KLF8: variants seen among roughly 807,000 people sequenced by gnomAD.
The protein encoded by KLF8 is Krueppel-like factor 8.
In KLF8, 10 loss-of-function variants were observed where a neutral mutation model predicts 18.2. The ratio of observed to expected loss-of-function variants is 0.55; its 90% CI spans 0.34 to 0.93. The LOEUF is 0.93. KLF8 is among the 40% of genes least tolerant of loss of function. KLF8 has a pLI of 0.02. For missense variants in KLF8, 264 were observed against 277.9 expected (o/e 0.95, Z 0.36); for synonymous variants, 109 against 97.3 (o/e 1.12, Z -0.71).
At chrX:56,175,435 A>G in the KLF8 span, among the ~76,000 whole-genome samples, 1 of 111,725 alleles carries the variant, frequency 9.0e-6, no homozygotes, top group Non-Finnish European at 1.9e-5. Flanking sequence ...TCTGAGTTCT[A>G]GTTTGATTGC....
rs746373790 is a variant in KLF8 at position 56,289,672 on chromosome X, C to A, written c.*5178C>A. Reference sequence around the variant, plus strand: ...CACTAATACTGAGAAACCTGGCTCTCAACCTCTGTCATCTATTTACTTAAT... The same window carrying A: ...CACTAATACTGAGAAACCTGGCTCTAAACCTCTGTCATCTATTTACTTAAT... On this transcript the variant is annotated 3_prime_UTR_variant, in exon 6 of 6. Transcript: ENST00000468660. 9.0e-6 allele frequency among the ~76,000 whole-genome samples: 1 copy of A among 111,730 alleles called. No individual in the cohort carries two copies. The highest frequency in any genetic ancestry group is 3.8e-4 in the South Asian group (1 of 2,653).
chrX:56,138,366 A>C, the KLF8 span, among the ~76,000 whole-genome samples: 4 of 111,431 alleles, frequency 3.6e-5, 1 homozygote, highest in African/African-American at 1.3e-4. Context: ...AGAACAAAAA[A>C]GGAAAACTTC....
chrX:56,256,406 C>T (rs1441107212), intron 2 of KLF8, among the ~76,000 whole-genome samples: 1 of 110,805 alleles, frequency 9.0e-6, no homozygotes, highest in African/African-American at 3.3e-5. Context: ...ATTTCTTCTA[C>T]TAATTTTGGG....
intron 2 of KLF8, among the ~76,000 whole-genome samples, chrX:56,256,382 C>T (rs774679255): frequency 1.8e-5 from 2 of 110,734 alleles, no homozygotes; most frequent in Non-Finnish European, 3.8e-5. Context: ...TTTAATTCTC[C>T]TCTCATCTTT....
chrX:56,278,896 A>G (rs1269737353), intron 5 of KLF8, among the ~76,000 whole-genome samples: 1 of 111,636 alleles, frequency 9.0e-6, no homozygotes, highest in Non-Finnish European at 1.9e-5. Context: ...CATGGGTGGG[A>G]GTCAGCAGAG....
At chrX:56,046,303 T>C in the KLF8 span, among the ~76,000 whole-genome samples, 23 of 111,500 alleles carry the variant, frequency 2.1e-4, no homozygotes, top group Admixed American at 8.6e-4. Context: ...TAGCCTGCAG[T>C]TTTCTTTTTT....
At chrX:56,259,241 TC>T (rs2066850275) in intron 2 of KLF8, among the ~76,000 whole-genome samples, 2 of 110,978 alleles carry the variant, frequency 1.8e-5, no homozygotes, top group African/African-American at 3.3e-5. Context: ...GTAAGTTGCA[TC>T]AAGAAACTTT....
At chrX:56,154,145 A>C in the KLF8 span, among the ~76,000 whole-genome samples, 30 of 111,347 alleles carry the variant, frequency 2.7e-4, no homozygotes, top group South Asian at 7.6e-4. Context: ...GCCAAAAGAA[A>C]AAAGCTGGAG....
At chrX:56,243,679 G>A (rs2066582920) in intron 1 of KLF8, among the ~76,000 whole-genome samples, 1 of 108,343 alleles carries the variant, frequency 9.2e-6, no homozygotes, top group Non-Finnish European at 1.9e-5. Flanking sequence ...GGGATTGCAG[G>A]CATGCACCAC....
intron 2 of KLF8, among the ~76,000 whole-genome samples, chrX:56,261,594 A>G (rs1404649857): frequency 9.0e-6 from 1 of 111,129 alleles, no homozygotes; most frequent in Non-Finnish European, 1.9e-5. Flanking sequence ...CCAAAATTCT[A>G]GGGACAAAAA....
chrX:56,214,428 G>A, the KLF8 span, among the ~76,000 whole-genome samples: 2 of 112,005 alleles, frequency 1.8e-5, no homozygotes, highest in African/African-American at 6.5e-5. Context: ...TCACACCCCT[G>A]CCTCAAATTC....
intron 1 of KLF8, among the ~76,000 whole-genome samples, chrX:56,245,109 T>C (rs1413052682): frequency 2.7e-5 from 3 of 112,542 alleles, no homozygotes; most frequent in Non-Finnish European, 5.6e-5. Flanking sequence ...TGTATTTCCT[T>C]ACTGTAAAGC....
chrX:56,141,538 C>G, the KLF8 span, among the ~76,000 whole-genome samples: 4 of 111,057 alleles, frequency 3.6e-5, no homozygotes, highest in Non-Finnish European at 5.7e-5. Flanking sequence ...AATACAAATC[C>G]TCATATATGT....
At chrX:56,191,701 A>T in the KLF8 span, among the ~76,000 whole-genome samples, 1 of 111,828 alleles carries the variant, frequency 8.9e-6, no homozygotes, top group Admixed American at 9.5e-5. Context: ...GGCAAAAATT[A>T]TTCGTTCTTG....
the KLF8 span, among the ~76,000 whole-genome samples, chrX:56,194,326 G>A: frequency 9.0e-6 from 1 of 111,644 alleles, no homozygotes; most frequent in African/African-American, 3.3e-5. Flanking sequence ...GGAAGCCATG[G>A]CAGACTACCT....
chrX:56,055,528 A>G, the KLF8 span, among the ~76,000 whole-genome samples: 1 of 111,581 alleles, frequency 9.0e-6, no homozygotes, highest in East Asian at 2.8e-4. Flanking sequence ...GGAGAATCTG[A>G]TGATTATGTT....
chrX:56,072,623 A>G, the KLF8 span, among the ~76,000 whole-genome samples: 1 of 112,174 alleles, frequency 8.9e-6, no homozygotes, highest in Non-Finnish European at 1.9e-5. Context: ...ACTAATACAG[A>G]CTTCTAAATT....
chrX:55,925,791 G>A, the KLF8 span, among the ~76,000 whole-genome samples: 2 of 111,891 alleles, frequency 1.8e-5, no homozygotes, highest in Non-Finnish European at 3.8e-5. Flanking sequence ...GTGGGGATAA[G>A]GGATGGTCCA....
chrX:55,943,410 C>T, the KLF8 span, among the ~76,000 whole-genome samples: 1 of 110,903 alleles, frequency 9.0e-6, no homozygotes, highest in Non-Finnish European at 1.9e-5. Flanking sequence ...GACATCCCAA[C>T]ATTTAAAAGT....
Sources: gnomAD v4.1 joint callset for allele counts (sites outside exome capture counted in the v4.1 genomes callset) on GRCh38, gnomAD v4.1.1 for gene constraint, MANE v1.5 for transcripts, NCBI Gene and HGNC (gene_info 2026-07-23, HGNC 2026-07-21) for gene names.